CRCT1: variants seen among roughly 807,000 people sequenced by gnomAD.
The protein encoded by CRCT1 is cysteine-rich C-terminal protein 1.
For synonymous variants in CRCT1, 86 were observed against 60.3 expected (o/e 1.43, Z -1.98); for missense variants, 160 against 136.3 (o/e 1.17, Z -0.87).
intron 1 of CRCT1, among the ~76,000 whole-genome samples, chr1:152,514,798 G>GGGTCTTTCA (rs1557943837): frequency 2.6e-5 from 4 of 152,302 alleles, no homozygotes; most frequent in Admixed American, 2.6e-4. Context: ...TCAGCTCCCT[G>GGGTCTTTCA]GATGGGGTTA....
Position 152,515,433 on chromosome 1 carries a change from C to T in CRCT1, c.50C>T (p.Ser17Leu). 5 of 1,585,228 alleles carry T rather than the reference C, an allele frequency of 3.2e-6. No individual in the cohort carries two copies. Among genetic ancestry groups the T allele is most frequent in the South Asian group, 1.1e-5 (1 of 87,432 alleles). The change falls in exon 2 of 2, where the codon TCG becomes TTG. Residue 17 changes from serine (S) to leucine (L), a missense_variant. Transcript: ENST00000368790. ...AVSAKGFSKG[S>L]SQGPAPCPAP... Reference sequence around the variant, plus strand: ...TCCGCCAAAGGCTTTTCCAAGGGGTCGTCCCAGGGCCCCGCTCCGTGTCCC... The same window carrying T: ...TCCGCCAAAGGCTTTTCCAAGGGGTTGTCCCAGGGCCCCGCTCCGTGTCCC...
chr1:152,515,674 C>G lies in CRCT1; in HGVS notation c.291C>G (p.Ser97=). ...RSNNRSSGCC[S]GC Reference sequence around the variant, plus strand: ...ACAACCGGAGCTCAGGATGCTGCTCCGGCTGCTGAGAGGCCCGCAACCCCC... The same window carrying G: ...ACAACCGGAGCTCAGGATGCTGCTCGGGCTGCTGAGAGGCCCGCAACCCCC... The change falls in exon 2 of 2, where the codon TCC becomes TCG. Residue 97 remains serine (S), a synonymous_variant. Coordinates refer to ENST00000368790, the MANE Select transcript of CRCT1 (RefSeq NM_019060.3). 1.3e-6 allele frequency: 2 copies of G among 1,526,490 alleles called. No individual in the cohort carries two copies. The highest frequency in any genetic ancestry group is 8.8e-7 in the Non-Finnish European group (1 of 1,136,416). 94.6% of individuals were successfully genotyped at this position (1,526,490 alleles called of 1,614,324 possible).
Position 152,515,464 on chromosome 1 carries a change from G to C in CRCT1, c.81G>C (p.Pro27=), listed in dbSNP as rs2101749378. The change falls in exon 2 of 2, where the codon CCG becomes CCC. Residue 27 remains proline (P), a synonymous_variant. Coordinates refer to ENST00000368790, the MANE Select transcript of CRCT1 (RefSeq NM_019060.3). The part of the protein sequence containing the change: ...SSQGPAPCPA[P]APTPAPASSS... Reference sequence around the variant, plus strand: ...AGGGCCCCGCTCCGTGTCCCGCCCCGGCGCCCACCCCGGCGCCCGCCTCCT... The same window carrying C: ...AGGGCCCCGCTCCGTGTCCCGCCCCCGCGCCCACCCCGGCGCCCGCCTCCT... 6.2e-7 allele frequency: 1 copy of C among 1,602,570 alleles called. No individual in the cohort carries two copies. The highest frequency in any genetic ancestry group is 2.2e-5 in the East Asian group (1 of 44,636).
In CRCT1 at chr1:152,515,434, G is replaced by T. The variant is rs200242493; in HGVS notation, c.51G>T (p.Ser17=). ...AVSAKGFSKG[S]SQGPAPCPAP... ...CCGCCAAAGGCTTTTCCAAGGGGTC[G>T]TCCCAGGGCCCCGCTCCGTGTCCCG... Residue 17 remains serine (S), a synonymous_variant, in exon 2 of 2, where the codon TCG becomes TCT. Coordinates refer to ENST00000368790, the MANE Select transcript of CRCT1 (RefSeq NM_019060.3). 195 of 1,586,074 alleles carry T rather than the reference G, an allele frequency of 1.2e-4. No homozygotes were observed. In the East Asian group the frequency reaches 2.9e-3, roughly 24 times the overall value.
chr1:152,515,829 C>A lies in CRCT1; in HGVS notation c.*146C>A. 7.5e-7 allele frequency: 1 copy of A among 1,328,192 alleles called. No homozygotes were observed. The highest frequency in any genetic ancestry group is 9.9e-7 in the Non-Finnish European group (1 of 1,011,506). The allele number at this position is 1,328,192 out of a possible 1,614,324, so 82.3% of individuals were successfully genotyped here. A position where few individuals can be genotyped will look rare whatever the true frequency, so the allele number is the denominator to read the frequency against. On this transcript the variant is annotated 3_prime_UTR_variant, in exon 2 of 2. Coordinates refer to ENST00000368790, the MANE Select transcript of CRCT1 (RefSeq NM_019060.3). The stretch of plus-strand genomic sequence containing the variant: ...TTGATGTTCAGAAACCCACTTTGTT[C>A]TCAGCCACGCAAAACTCCCTGACCC...
Position 152,515,667 on chromosome 1 carries a change from G to A in CRCT1, c.284G>A (p.Cys95Tyr), listed in dbSNP as rs530446104. Residue 95 changes from cysteine to tyrosine, a missense_variant, in exon 2 of 2, where the codon TGC becomes TAC. Cys to Tyr is a radical substitution (Grantham distance 194). Transcript: ENST00000368790. The part of the protein sequence containing the change: ...SQRSNNRSSG[C>Y]CSGC ...CGCTCCAACAACCGGAGCTCAGGATGCTGCTCCGGCTGCTGAGAGGCCCGC... is the reference window on the plus strand; with the variant it reads ...CGCTCCAACAACCGGAGCTCAGGATACTGCTCCGGCTGCTGAGAGGCCCGC... 2.7e-5 allele frequency: 42 copies of A among 1,532,342 alleles called. 1 individual carries two copies. In the South Asian group the frequency reaches 4.6e-4, roughly 17 times the overall value. The allele number at this position is 1,532,342 out of a possible 1,614,324, so 94.9% of individuals were successfully genotyped here. A position where few individuals can be genotyped will look rare whatever the true frequency, so the allele number is the denominator to read the frequency against.
At position 152,515,577 on chromosome 1, in the gene CRCT1, G is replaced by A. The variant is rs774948473; in HGVS notation, c.194G>A (p.Arg65Lys). The A allele has an allele frequency of 1.9e-6, 3 of 1,595,404 alleles. No homozygotes were observed. Among genetic ancestry groups the A allele is most frequent in the South Asian group, 1.1e-5 (1 of 89,722 alleles). ...TCCACCAGTTGCTGCTGCTTCCCAA[G>A]GAGACGCCGCCGACAGCGGAGTAGT... is the stretch of plus-strand genomic sequence containing the variant. ...SSSTSCCCFPRRRRRQRSSGC... is the reference protein window; with the variant it reads ...SSSTSCCCFPKRRRRQRSSGC... Residue 65 changes from arginine (R) to lysine (K), a missense_variant, in exon 2 of 2, where the codon AGG becomes AAG. Arg to Lys is a conservative substitution (Grantham distance 26). Transcript: ENST00000368790.
rs982886591 is a variant in CRCT1, at chr1:152,515,529, A to C, written c.146A>C (p.Asp49Ala). Residue 49 changes from aspartate (D) to alanine (A), a missense_variant, in exon 2 of 2, where the codon GAC becomes GCC. Coordinates refer to ENST00000368790, the MANE Select transcript of CRCT1 (RefSeq NM_019060.3). ...CCGSGRGCCGDSGCCGSSSTS... is the reference protein window; with the variant it reads ...CCGSGRGCCGASGCCGSSSTS... Reference sequence around the variant, plus strand: ...GGCTCCGGCAGGGGCTGCTGCGGCGACTCAGGCTGCTGCGGCTCCAGCTCC... The same window carrying C: ...GGCTCCGGCAGGGGCTGCTGCGGCGCCTCAGGCTGCTGCGGCTCCAGCTCC... 6.3e-7 allele frequency: 1 copy of C among 1,596,122 alleles called. No individual in the cohort carries two copies. The highest frequency in any genetic ancestry group is 1.3e-5 in the African/African-American group (1 of 74,554).
rs1053588 is a variant in CRCT1 at position 152,515,587 on chromosome 1, C to T, written c.204C>T (p.Arg68=). 0.63 allele frequency: 1,000,700 copies of T among 1,592,396 alleles called. 316,071 individuals carry two copies. The highest frequency in any genetic ancestry group is 0.7 in the East Asian group (31,011 of 44,360). The part of the protein sequence containing the change: ...TSCCCFPRRR[R]RQRSSGCCCC... Reference sequence around the variant, plus strand: ...GCTGCTGCTTCCCAAGGAGACGCCGCCGACAGCGGAGTAGTGGTTGCTGCT... The same window carrying T: ...GCTGCTGCTTCCCAAGGAGACGCCGTCGACAGCGGAGTAGTGGTTGCTGCT... The change falls in exon 2 of 2, where the codon CGC becomes CGT. Residue 68 remains arginine, a synonymous_variant. Transcript: ENST00000368790.
rs2297760 is a variant in CRCT1, at chr1:152,514,558, T to C, written c.-23+6T>C. On this transcript the variant is annotated splice_donor_region_variant and intron_variant, in intron 1 of 1. Coordinates refer to ENST00000368790, the MANE Select transcript of CRCT1 (RefSeq NM_019060.3). The stretch of plus-strand genomic sequence containing the variant: ...TTCAGTGGAGCCAGGGTCTGGTAAG[T>C]CTCCTAGCAGGGTCTGGGGGAGAGG... The C allele has an allele frequency of 0.055, 8,297 of 151,938 alleles. 379 individuals are homozygous for C. The highest frequency in any genetic ancestry group is 0.11 in the Admixed American group (1,734 of 15,264). 9.4% of individuals were successfully genotyped at this position (151,938 alleles called of 1,614,324 possible).
In CRCT1 at chr1:152,515,990, A is replaced by C. The variant is rs1166527930; in HGVS notation, c.*307A>C. 5.8e-6 allele frequency: 2 copies of C among 343,108 alleles called. No individual in the cohort carries two copies. The highest frequency in any genetic ancestry group is 4.2e-5 in the African/African-American group (2 of 47,150). The allele number at this position is 343,108 out of a possible 1,614,324, so 21.3% of individuals were successfully genotyped here. A position where few individuals can be genotyped will look rare whatever the true frequency, so the allele number is the denominator to read the frequency against. The stretch of plus-strand genomic sequence containing the variant: ...TTGTCTTTTGAAGATGTCATAATAA[A>C]GCTTCTACCTCCTGAGAACACCTTT... On this transcript the variant is annotated 3_prime_UTR_variant, in exon 2 of 2. Transcript: ENST00000368790.
In CRCT1 at chr1:152,515,695, C is replaced by T. The variant is rs137863786; in HGVS notation, c.*12C>T. The T allele has an allele frequency of 3.6e-3, 5,292 of 1,483,088 alleles. 20 individuals carry two copies. Among genetic ancestry groups the T allele is most frequent in the Non-Finnish European group, 4.2e-3 (4,671 of 1,114,916 alleles). 91.9% of individuals were successfully genotyped at this position (1,483,088 alleles called of 1,614,324 possible). A position where few individuals can be genotyped will look rare whatever the true frequency, so the allele number is the denominator to read the frequency against. On this transcript the variant is annotated 3_prime_UTR_variant, in exon 2 of 2. Coordinates refer to ENST00000368790, the MANE Select transcript of CRCT1 (RefSeq NM_019060.3). ...GCTCCGGCTGCTGAGAGGCCCGCAA[C>T]CCCCAGCGCTGCGCTAGAGAAACCC...
rs771542507 is a variant in CRCT1, at chr1:152,515,483, G to GCCT, written c.113_115dup (p.Ser38dup). The GCCT allele has an allele frequency of 2.4e-5, 38 of 1,582,108 alleles. No homozygotes were observed. The highest frequency in any genetic ancestry group is 4.0e-5 in the African/African-American group (3 of 74,188). On this transcript the variant is annotated inframe_insertion, in exon 2 of 2. Coordinates refer to ENST00000368790, the MANE Select transcript of CRCT1 (RefSeq NM_019060.3). ...CGCCCCGGCGCCCACCCCGGCGCCC[G>GCCT]CCTCCTCCTCCTCCTGCTGCGGCTC...
intron 1 of CRCT1, 108 bp from the exon 2 acceptor site, chr1:152,515,254 C>A: frequency 1.1e-6 from 1 of 946,234 alleles, no homozygotes; most frequent in Non-Finnish European, 1.5e-6. Context: ...CCTCCTTGTC[C>A]CAGGCCAGGC....
Position 152,515,459 on chromosome 1 carries a change from G to T in CRCT1, c.76G>T (p.Ala26Ser). ...GSSQGPAPCPAPAPTPAPASS... is the reference protein window; with the variant it reads ...GSSQGPAPCPSPAPTPAPASS... ...GTCCCAGGGCCCCGCTCCGTGTCCC[G>T]CCCCGGCGCCCACCCCGGCGCCCGC... The change falls in exon 2 of 2, where the codon GCC becomes TCC. Residue 26 changes from alanine (A) to serine (S), a missense_variant. Coordinates refer to ENST00000368790, the MANE Select transcript of CRCT1 (RefSeq NM_019060.3). 1 of 1,602,054 alleles carries T rather than the reference G, an allele frequency of 6.2e-7. No individual in the cohort carries two copies. The highest frequency in any genetic ancestry group is 8.5e-7 in the Non-Finnish European group (1 of 1,176,998).
chr1:152,515,720 CG>C lies in CRCT1; in HGVS notation c.*38del, dbSNP rs1269900127. ...CCCCCAGCGCTGCGCTAGAGAAACC[CG>C]CCCAGCCCAGAGCGGGCCCGCCCCG... On this transcript the variant is annotated 3_prime_UTR_variant, in exon 2 of 2. Transcript: ENST00000368790. 1 of 1,444,476 alleles carries C rather than the reference CG, an allele frequency of 6.9e-7. No individual in the cohort carries two copies. The highest frequency in any genetic ancestry group is 9.1e-7 in the Non-Finnish European group (1 of 1,098,214). 89.5% of individuals were successfully genotyped at this position (1,444,476 alleles called of 1,614,324 possible).
chr1:152,515,761 C>A lies in CRCT1; in HGVS notation c.*78C>A. 7.1e-7 allele frequency: 1 copy of A among 1,414,224 alleles called. No homozygotes were observed. The highest frequency in any genetic ancestry group is 9.2e-7 in the Non-Finnish European group (1 of 1,084,730). 87.6% of individuals were successfully genotyped at this position (1,414,224 alleles called of 1,614,324 possible). On this transcript the variant is annotated 3_prime_UTR_variant, in exon 2 of 2. Transcript: ENST00000368790. ...GGCCCGCCCCGCTGCGGCTCCCACG[C>A]GGGGCTGGGCCTCGGAGTTTGCCCC... is the stretch of plus-strand genomic sequence containing the variant.
rs771143224 is a variant in CRCT1, at chr1:152,515,572, C to T, written c.189C>T (p.Phe63=). ...CCAGCTCCACCAGTTGCTGCTGCTT[C>T]CCAAGGAGACGCCGCCGACAGCGGA... The part of the protein sequence containing the change: ...CGSSSTSCCC[F]PRRRRRQRSS... Residue 63 remains phenylalanine, a synonymous_variant, in exon 2 of 2, where the codon TTC becomes TTT. Transcript: ENST00000368790. 7 of 1,595,500 alleles carry T rather than the reference C, an allele frequency of 4.4e-6. No individual in the cohort carries two copies. In the South Asian group the frequency reaches 7.8e-5, roughly 18 times the overall value.
intron 1 of CRCT1, among the ~76,000 whole-genome samples, chr1:152,514,756 C>G (rs150122586): frequency 2.8e-4 from 43 of 152,226 alleles, no homozygotes; most frequent in African/African-American, 9.4e-4. Context: ...ACAGCAAGTC[C>G]GCAGAAGAGC....
Sources: allele counts gnomAD v4.1 joint callset (sites outside exome capture counted in the v4.1 genomes callset), GRCh38; gene constraint gnomAD v4.1.1; transcripts MANE v1.5; gene names NCBI Gene and HGNC (gene_info 2026-07-23, HGNC 2026-07-21).